Variants in IPCEF1 observed in about 807,000 individuals in gnomAD.
IPCEF1 encodes interactor protein for cytohesin exchange factors 1.
Under a neutral mutation model 50.9 loss-of-function variants are expected in IPCEF1, and 31 were observed. The observed-to-expected ratio is 0.61, with a 90% confidence interval of 0.46 to 0.82. The LOEUF is 0.82. Among genes scored for constraint, IPCEF1 ranks in the 40% least tolerant of loss-of-function variants. IPCEF1 has a pLI of 0.00. For missense variants in IPCEF1, 458 were observed against 514.0 expected, an observed-to-expected ratio of 0.89 and a Z score of 1.05; for synonymous variants, 181 against 192.0, an observed-to-expected ratio of 0.94 and a Z score of 0.47.
chr6:154,173,894 A>G (rs150324799), intron 10 of IPCEF1, among the ~76,000 whole-genome samples: 1,645 of 152,318 alleles, frequency 0.011, 14 homozygotes, highest in African/African-American at 0.022. Context: ...GTTGAAATGA[A>G]GGAAAAAATG....
intron 1 of IPCEF1, among the ~76,000 whole-genome samples, chr6:154,342,067 G>A (rs1444586961): frequency 6.6e-6 from 1 of 152,110 alleles, no homozygotes; most frequent in African/African-American, 2.4e-5. Context: ...GACTCCCATA[G>A]AAAGGCAAAA....
At chr6:154,267,823 C>T (rs899608331) in intron 2 of IPCEF1, among the ~76,000 whole-genome samples, 2 of 152,154 alleles carry the variant, frequency 1.3e-5, no homozygotes, top group Middle Eastern at 3.2e-3. Context: ...AGGTGGTAGT[C>T]CCAATGTCTC....
At chr6:154,182,142 T>C (rs1268865657) in intron 10 of IPCEF1, among the ~76,000 whole-genome samples, 1 of 152,212 alleles carries the variant, frequency 6.6e-6, no homozygotes, top group Non-Finnish European at 1.5e-5. Context: ...AACACCCAAG[T>C]ATAAAGCTAA....
chr6:154,226,605 T>G (rs1235469603), intron 5 of IPCEF1, among the ~76,000 whole-genome samples: 1 of 152,214 alleles, frequency 6.6e-6, no homozygotes, highest in East Asian at 1.9e-4. Flanking sequence ...AATGTTTTGT[T>G]GAATTACCGC....
At chr6:154,346,500 A>C (rs1263728988) in intron 1 of IPCEF1, among the ~76,000 whole-genome samples, 1 of 152,184 alleles carries the variant, frequency 6.6e-6, no homozygotes, top group Non-Finnish European at 1.5e-5. Context: ...GTTGTATAAT[A>C]ATTAGAAAGA....
rs1365924453 is a variant in IPCEF1, at chr6:154,159,788, C to T, written c.*40G>A. On this transcript the variant is annotated 3_prime_UTR_variant, in exon 12 of 12. Transcript: ENST00000367220. Reference sequence around the variant, plus strand: ...GCTTTTGCAACATCTTGAAGAGTTGCTTGTGATAAAATATAAGAGGAGAAA... The same window carrying T: ...GCTTTTGCAACATCTTGAAGAGTTGTTTGTGATAAAATATAAGAGGAGAAA... The T allele has an allele frequency of 6.7e-7, 1 of 1,485,526 alleles. No individual in the cohort carries two copies. The highest frequency in any genetic ancestry group is 9.3e-7 in the Non-Finnish European group (1 of 1,072,614). The allele number at this position is 1,485,526 out of a possible 1,614,324, so 92.0% of individuals were successfully genotyped here.
intron 9 of IPCEF1, among the ~76,000 whole-genome samples, chr6:154,204,318 G>A (rs2128596402): frequency 6.6e-6 from 1 of 152,274 alleles, no homozygotes; most frequent in South Asian, 2.1e-4. Context: ...AGGCAGAAGT[G>A]AGTCAGCATA....
intron 7 of IPCEF1, among the ~76,000 whole-genome samples, chr6:154,220,231 G>A (rs918708059): frequency 1.3e-5 from 2 of 152,192 alleles, no homozygotes; most frequent in African/African-American, 4.8e-5. Flanking sequence ...GCATGTGGTA[G>A]GCGTTCCATT....
At chr6:154,181,293 AGATAAC>A (rs1800845617) in intron 10 of IPCEF1, among the ~76,000 whole-genome samples, 2 of 152,204 alleles carry the variant, frequency 1.3e-5, no homozygotes, top group Non-Finnish European at 2.9e-5. Context: ...TGTTGGGTAG[AGATAAC>A]GATCATACAT....
intron 10 of IPCEF1, among the ~76,000 whole-genome samples, chr6:154,194,518 A>C (rs1324451044): frequency 9.2e-5 from 14 of 152,044 alleles, no homozygotes; most frequent in Non-Finnish European, 1.9e-4. Flanking sequence ...TATGACCTCC[A>C]ACTCCTCAAC....
chr6:154,304,689 G>A (rs1399122392), intron 1 of IPCEF1, among the ~76,000 whole-genome samples: 3 of 152,120 alleles, frequency 2.0e-5, no homozygotes, highest in Non-Finnish European at 2.9e-5. Flanking sequence ...GTTACCTATT[G>A]AAGGCTCTCT....
intron 1 of IPCEF1, among the ~76,000 whole-genome samples, chr6:154,326,795 T>C (rs1783531524): frequency 1.3e-5 from 2 of 152,132 alleles, no homozygotes; most frequent in South Asian, 2.1e-4. Flanking sequence ...GGAGACATTA[T>C]GTTACCCAAC....
At chr6:154,333,592 A>T (rs1439650185) in intron 1 of IPCEF1, among the ~76,000 whole-genome samples, 1 of 151,464 alleles carries the variant, frequency 6.6e-6, no homozygotes, top group Non-Finnish European at 1.5e-5. Context: ...ATATATATAC[A>T]CATATATATG....
intron 9 of IPCEF1, among the ~76,000 whole-genome samples, chr6:154,206,909 TGAAGACAGGCCAA>T (rs1777545639): frequency 6.6e-6 from 1 of 152,214 alleles, no homozygotes; most frequent in African/African-American, 2.4e-5. Context: ...AATGGCAGCC[TGAAGACAGGCCAA>T]GGGCCTAAAA....
intron 6 of IPCEF1, 87 bp downstream of exon 6, chr6:154,223,082 CA>C: frequency 9.7e-7 from 1 of 1,033,324 alleles, no homozygotes; most frequent in Non-Finnish European, 1.5e-6. Flanking sequence ...TACCTTCACT[CA>C]CTTCTAAATC....
chr6:154,331,670 G>T (rs1783676673), intron 1 of IPCEF1, among the ~76,000 whole-genome samples: 2 of 152,252 alleles, frequency 1.3e-5, no homozygotes, highest in Non-Finnish European at 2.9e-5. Context: ...TCAAGCATGT[G>T]CACTAAGAGG....
At chr6:154,301,954 T>C (rs1423002223) in intron 1 of IPCEF1, among the ~76,000 whole-genome samples, 2 of 152,232 alleles carry the variant, frequency 1.3e-5, no homozygotes, top group Non-Finnish European at 2.9e-5. Context: ...AGATTTACGA[T>C]GTGTTGGTTA....
In IPCEF1 at chr6:154,199,662, G is replaced by T. The variant is rs755616408; in HGVS notation, c.910+6C>A. The T allele has an allele frequency of 6.9e-6, 11 of 1,589,132 alleles. No homozygotes were observed. The African/African-American group carries it at 1.5e-4, about 21-fold the overall frequency. On this transcript the variant is annotated splice_donor_region_variant and intron_variant, in intron 10 of 11. Coordinates refer to ENST00000367220, the MANE Select transcript of IPCEF1 (RefSeq NM_001130700.2). ...CTAACGAAGAATAAATAATTTATTG[G>T]TTTACCTTTGTCCATGATCTTTGAT...
chr6:154,292,807 C>T (rs1450191281), intron 1 of IPCEF1, among the ~76,000 whole-genome samples: 6 of 151,998 alleles, frequency 3.9e-5, no homozygotes, highest in East Asian at 1.9e-4. Flanking sequence ...TAAAAGTGGG[C>T]GATATGTTAA....
Sources: gnomAD v4.1 joint callset for allele counts (sites outside exome capture counted in the v4.1 genomes callset) on GRCh38, gnomAD v4.1.1 for gene constraint, MANE v1.5 for transcripts, NCBI Gene and HGNC (gene_info 2026-07-23, HGNC 2026-07-21) for gene names.